FAM13A: variants seen among roughly 807,000 people sequenced by gnomAD.
The protein encoded by FAM13A is family with sequence similarity 13 member A.
A neutral mutation model predicts 129.6 loss-of-function variants in FAM13A; 76 were observed. That is an observed-to-expected ratio of 0.59 (90% CI 0.49 to 0.71). FAM13A has a LOEUF of 0.71. FAM13A is among the 30% of genes least tolerant of loss of function. FAM13A has a pLI of 0.00. For synonymous variants in FAM13A, 443 were observed against 449.9 expected (o/e 0.98, Z 0.20); for missense variants, 1,108 against 1,249.3 (o/e 0.89, Z 1.70).
At chr4:88,898,273 G>T (rs1277377561) in intron 6 of FAM13A, among the ~76,000 whole-genome samples, 1 of 151,868 alleles carries the variant, frequency 6.6e-6, no homozygotes, top group Non-Finnish European at 1.5e-5. Context: ...CAAATCCCAT[G>T]TTTTTTTCCC....
chr4:88,763,208 G>A (rs1254707399), intron 13 of FAM13A, among the ~76,000 whole-genome samples: 1 of 152,182 alleles, frequency 6.6e-6, no homozygotes, highest in African/African-American at 2.4e-5. Flanking sequence ...TGAAAAACGT[G>A]TACAAAACAG....
At chr4:88,995,577 T>C (rs1763441782) in intron 3 of FAM13A, among the ~76,000 whole-genome samples, 1 of 152,168 alleles carries the variant, frequency 6.6e-6, no homozygotes, top group Non-Finnish European at 1.5e-5. Flanking sequence ...AGACCCACTC[T>C]TGGACCCTTG....
chr4:88,909,857 C>T (rs137953031), intron 5 of FAM13A, among the ~76,000 whole-genome samples: 16 of 152,234 alleles, frequency 1.1e-4, no homozygotes, highest in African/African-American at 3.6e-4. Flanking sequence ...TTTGTGAACA[C>T]ACACAAAGCC....
At chr4:88,781,499 C>T (rs779084953) in intron 10 of FAM13A, 148 bp from the exon 11 acceptor site, 48 of 527,636 alleles carry the variant, frequency 9.1e-5, no homozygotes, top group Middle Eastern at 5.1e-4. Flanking sequence ...AGCAGAGTGC[C>T]ACTCCTGGGA....
chr4:89,006,685 C>T (rs367997503), intron 3 of FAM13A, among the ~76,000 whole-genome samples: 1 of 152,142 alleles, frequency 6.6e-6, no homozygotes, highest in African/African-American at 2.4e-5. Context: ...CTCTTGGTAC[C>T]CCGGTCCTTG....
At chr4:88,892,273 G>A (rs1475168784) in intron 6 of FAM13A, among the ~76,000 whole-genome samples, 7 of 147,158 alleles carry the variant, frequency 4.8e-5, no homozygotes, top group Non-Finnish European at 8.9e-5. Flanking sequence ...TCCACCTCCC[G>A]GGTTCACACC....
At chr4:89,005,910 G>A (rs1764941636) in intron 3 of FAM13A, among the ~76,000 whole-genome samples, 1 of 152,196 alleles carries the variant, frequency 6.6e-6, no homozygotes. Flanking sequence ...AAGCTCTTAA[G>A]TTTAATTAGA....
At chr4:89,006,267 G>T (rs1434267512) in intron 3 of FAM13A, among the ~76,000 whole-genome samples, 1 of 152,184 alleles carries the variant, frequency 6.6e-6, no homozygotes, top group African/African-American at 2.4e-5. Context: ...ATTGGTCTAT[G>T]TGCCTTCCAA....
At chr4:89,017,909 GAACA>G (rs1766718420) in intron 3 of FAM13A, among the ~76,000 whole-genome samples, 2 of 152,008 alleles carry the variant, frequency 1.3e-5, no homozygotes, top group Non-Finnish European at 2.9e-5. Context: ...TTGACAACCA[GAACA>G]AACTGTTCTG....
intron 1 of FAM13A, among the ~76,000 whole-genome samples, chr4:89,047,649 C>T (rs952424261): frequency 5.3e-5 from 8 of 152,134 alleles, no homozygotes; most frequent in African/African-American, 1.2e-4. Context: ...CCTCCATGCC[C>T]TAGGCTGGGT....
rs570009666 is a variant in FAM13A at position 88,942,772 on chromosome 4, C to T, written c.606-4531G>A. 1.9e-4 allele frequency among the ~76,000 whole-genome samples: 29 copies of T among 152,134 alleles called. 2 individuals are homozygous for T. The highest frequency in any genetic ancestry group is 7.0e-4 in the African/African-American group (29 of 41,442). Reference sequence around the variant, plus strand: ...CGTAGGCTACTAACTCTCCGAATTGCCTATTTTCTTTGAAAAAAATAGTCT... The same window carrying T: ...CGTAGGCTACTAACTCTCCGAATTGTCTATTTTCTTTGAAAAAAATAGTCT... On this transcript the variant is annotated intron_variant, in intron 4 of 23. Coordinates refer to ENST00000264344, the MANE Select transcript of FAM13A (RefSeq NM_014883.4).
At chr4:89,023,723 T>A (rs781243027) in intron 2 of FAM13A, among the ~76,000 whole-genome samples, 2 of 152,222 alleles carry the variant, frequency 1.3e-5, no homozygotes, top group Non-Finnish European at 2.9e-5. Flanking sequence ...ACAACTCTTA[T>A]GATAATTCGT....
At chr4:88,844,444 A>G in intron 7 of FAM13A, among the ~76,000 whole-genome samples, 1 of 152,194 alleles carries the variant, frequency 6.6e-6, no homozygotes, top group Non-Finnish European at 1.5e-5. Flanking sequence ...CATTTTGCAG[A>G]TCTGACATTA....
chr4:88,830,348 G>A (rs1358209201), intron 7 of FAM13A, among the ~76,000 whole-genome samples: 1 of 152,096 alleles, frequency 6.6e-6, no homozygotes, highest in Non-Finnish European at 1.5e-5. Flanking sequence ...CATATAAAAA[G>A]CTTGTTTTAG....
chr4:88,752,389 T>C (rs1166581820), intron 14 of FAM13A, among the ~76,000 whole-genome samples: 2 of 152,300 alleles, frequency 1.3e-5, no homozygotes, highest in Non-Finnish European at 2.9e-5. Context: ...GTAGACCCCA[T>C]ATAATAGGGA....
intron 4 of FAM13A, among the ~76,000 whole-genome samples, chr4:88,939,204 C>T (rs754049624): frequency 3.3e-5 from 5 of 152,142 alleles, no homozygotes; most frequent in Non-Finnish European, 7.4e-5. Context: ...GTCAGCTGGG[C>T]TATACTCCCT....
chr4:88,880,348 G>A (rs1434235930), intron 6 of FAM13A, among the ~76,000 whole-genome samples: 1 of 152,122 alleles, frequency 6.6e-6, no homozygotes, highest in African/African-American at 2.4e-5. Flanking sequence ...GACAGGAGAA[G>A]GTTTGACCTT....
At chr4:88,976,313 A>G (rs558782588) in intron 4 of FAM13A, among the ~76,000 whole-genome samples, 1 of 152,262 alleles carries the variant, frequency 6.6e-6, no homozygotes, top group Non-Finnish European at 1.5e-5. Flanking sequence ...GATGGACTCA[A>G]GGGATTATTT....
At chr4:89,041,013 C>T (rs1770041570) in intron 1 of FAM13A, among the ~76,000 whole-genome samples, 1 of 152,182 alleles carries the variant, frequency 6.6e-6, no homozygotes, top group African/African-American at 2.4e-5. Flanking sequence ...CTTGGTCTTA[C>T]ACCAGACCCA....
Sources: gnomAD v4.1 joint callset for allele counts (sites outside exome capture counted in the v4.1 genomes callset) on GRCh38, gnomAD v4.1.1 for gene constraint, MANE v1.5 for transcripts, NCBI Gene and HGNC (gene_info 2026-07-23, HGNC 2026-07-21) for gene names.